The following MND1 variants were observed in gnomAD, a reference collection of about 807,000 sequenced individuals.
MND1 encodes the protein meiotic nuclear division protein 1 homolog.
A neutral mutation model predicts 35.1 loss-of-function variants in MND1; 28 were observed. The ratio of observed to expected loss-of-function variants is 0.80; its 90% CI spans 0.59 to 1.09. The LOEUF (loss-of-function observed/expected upper bound fraction) is 1.09. Among genes scored for constraint, MND1 ranks in the 50% least tolerant of loss-of-function variants. MND1 has a pLI of 0.00. For synonymous variants in MND1, 69 were observed against 70.5 expected (o/e 0.98, Z 0.11); for missense variants, 213 against 239.6 (o/e 0.89, Z 0.73).
chr4:153,359,844 A>G (rs1044178968), intron 4 of MND1, among the ~76,000 whole-genome samples: 10 of 138,906 alleles, frequency 7.2e-5, no homozygotes, highest in African/African-American at 2.2e-4. Context: ...CTGGAGTGCA[A>G]TGGTGCGATC....
chr4:153,400,305 A>G (rs965213939), intron 6 of MND1, among the ~76,000 whole-genome samples: 1 of 152,158 alleles, frequency 6.6e-6, no homozygotes, highest in African/African-American at 2.4e-5. Context: ...AATGGAGTCT[A>G]TTAGAGATAT....
intron 4 of MND1, among the ~76,000 whole-genome samples, chr4:153,382,226 G>A (rs758394310): frequency 2.0e-5 from 3 of 151,900 alleles, no homozygotes; most frequent in Non-Finnish European, 4.4e-5. Flanking sequence ...AAAAAAAATA[G>A]CTTAACTTTA....
intron 5 of MND1, among the ~76,000 whole-genome samples, chr4:153,395,253 T>C (rs1282736701): frequency 6.6e-6 from 1 of 152,258 alleles, no homozygotes; most frequent in African/African-American, 2.4e-5. Flanking sequence ...CAGTAGCAAC[T>C]ACTACTTCTT....
At chr4:153,404,460 G>A (rs941665956) in intron 6 of MND1, among the ~76,000 whole-genome samples, 17 of 149,366 alleles carry the variant, frequency 1.1e-4, no homozygotes, top group African/African-American at 2.5e-4. Context: ...CAAAGTTTGC[G>A]ATTACAGGTG....
chr4:153,391,555 A>G (rs1345572776), intron 4 of MND1, among the ~76,000 whole-genome samples: 1 of 151,778 alleles, frequency 6.6e-6, no homozygotes, highest in African/African-American at 2.4e-5. Flanking sequence ...GCGAAACCCC[A>G]TCTCTACTAA....
At position 153,394,022 on chromosome 4, in the gene MND1, C is replaced by T. The variant is rs147701003; in HGVS notation, c.277-240C>T. ...TCAGCTCACTGCAACCTCAGCCTCT[C>T]GAGTAGCGGGGACTACAGGTGTGCG... is the stretch of plus-strand genomic sequence containing the variant. On this transcript the variant is annotated intron_variant, in intron 4 of 7. Coordinates refer to ENST00000240488, the MANE Select transcript of MND1 (RefSeq NM_032117.4). 5.3e-3 allele frequency among the ~76,000 whole-genome samples: 773 copies of T among 145,998 alleles called. 5 individuals carry two copies. The highest frequency in any genetic ancestry group is 0.017 in the African/African-American group (669 of 38,912).
intron 4 of MND1, chr4:153,381,913 A>G (rs1172797537): frequency 6.6e-6 from 1 of 150,852 alleles, no homozygotes; most frequent in East Asian, 2.0e-4. Context: ...CTTAGTGTAG[A>G]CACCTGATCA....
intron 4 of MND1, chr4:153,361,537 T>G: frequency 2.2e-6 from 1 of 456,204 alleles, no homozygotes. Context: ...ATAATTAAAG[T>G]CTCCTATTAT....
chr4:153,360,096 C>G (rs1023440565), intron 4 of MND1, among the ~76,000 whole-genome samples: 14 of 152,016 alleles, frequency 9.2e-5, no homozygotes, highest in African/African-American at 3.4e-4. Flanking sequence ...CCTGGAACAT[C>G]TTTTTTTATG....
intron 7 of MND1, among the ~76,000 whole-genome samples, chr4:153,413,607 G>T (rs1464368911): frequency 6.6e-6 from 1 of 151,706 alleles, no homozygotes; most frequent in East Asian, 1.9e-4. Flanking sequence ...GAGCCTAGAA[G>T]GTGGAGACTG....
intron 4 of MND1, among the ~76,000 whole-genome samples, chr4:153,390,889 A>ATGTGTGTG (rs58003087): frequency 2.1e-4 from 30 of 139,846 alleles, no homozygotes; most frequent in African/African-American, 5.5e-4. Context: ...AGGTATATAT[A>ATGTGTGTG]TGTGTGTGTG....
chr4:153,402,457 A>T (rs1729369406), intron 6 of MND1, among the ~76,000 whole-genome samples: 1 of 152,250 alleles, frequency 6.6e-6, no homozygotes, highest in African/African-American at 2.4e-5. Flanking sequence ...CTGGAAATTA[A>T]CCAAAGGCTT....
chr4:153,372,083 A>C (rs1427282481), intron 4 of MND1, among the ~76,000 whole-genome samples: 2 of 152,084 alleles, frequency 1.3e-5, no homozygotes, highest in African/African-American at 4.8e-5. Flanking sequence ...TCACTGTCTT[A>C]TGTGGGCATG....
chr4:153,357,373 T>C (rs1403376945), intron 3 of MND1, among the ~76,000 whole-genome samples: 1 of 152,188 alleles, frequency 6.6e-6, no homozygotes, highest in Non-Finnish European at 1.5e-5. Flanking sequence ...ACCTATGTTG[T>C]TCAAGATTGG....
intron 5 of MND1, 104 bp downstream of exon 5, chr4:153,394,440 G>A (rs1007809218): frequency 1.2e-6 from 1 of 831,750 alleles, no homozygotes. Flanking sequence ...CAGAAGAGAA[G>A]GGGATCATAG....
chr4:153,399,890 ATTTTTTTTTTTTTT>A lies in MND1; in HGVS notation c.466+2572_466+2585del, dbSNP rs34815482. The stretch of plus-strand genomic sequence containing the variant: ...TGAAATTTTCTGTTTTTTCAGTGAG[ATTTTTTTTTTTTTT>A]TTTTTTTTTTTTTTGGAGACAGGGC... On this transcript the variant is annotated intron_variant, in intron 6 of 7. Transcript: ENST00000240488. Among the ~76,000 whole-genome samples the A allele has an allele frequency of 6.7e-3, 474 of 71,182 alleles. 2 individuals are homozygous for A. The highest frequency in any genetic ancestry group is 9.3e-3 in the Non-Finnish European group (383 of 41,174). The allele number at this position is 71,182 out of a possible 152,430, so 46.7% of individuals were successfully genotyped here. A position where few individuals can be genotyped will look rare whatever the true frequency, so the allele number is the denominator to read the frequency against.
At chr4:153,352,052 C>G (rs1314017879) in intron 2 of MND1, among the ~76,000 whole-genome samples, 1 of 152,124 alleles carries the variant, frequency 6.6e-6, no homozygotes, top group Non-Finnish European at 1.5e-5. Flanking sequence ...AAAACACAGT[C>G]ATTGGTAATA....
intron 6 of MND1, among the ~76,000 whole-genome samples, chr4:153,402,261 A>T (rs1006554918): frequency 1.3e-5 from 2 of 152,232 alleles, no homozygotes; most frequent in Non-Finnish European, 2.9e-5. Flanking sequence ...TTCAAATGTG[A>T]CCAGATAAAA....
chr4:153,383,195 C>T (rs558793206), intron 4 of MND1, among the ~76,000 whole-genome samples: 8 of 152,278 alleles, frequency 5.3e-5, no homozygotes, highest in South Asian at 4.1e-4. Context: ...GAGCTCACCT[C>T]GAACTGTGTT....
Sources: gnomAD v4.1 joint callset for allele counts (sites outside exome capture counted in the v4.1 genomes callset) on GRCh38, gnomAD v4.1.1 for gene constraint, MANE v1.5 for transcripts, NCBI Gene and HGNC (gene_info 2026-07-23, HGNC 2026-07-21) for gene names.